The following F13A1 variants were observed in gnomAD, a reference collection of about 807,000 sequenced individuals.
F13A1 encodes the protein coagulation factor XIII A chain.
Under a neutral mutation model 80.1 loss-of-function variants are expected in F13A1, and 47 were observed. The observed-to-expected ratio is 0.59, with a 90% CI of 0.46 to 0.75. The LOEUF is 0.75. Ranked by LOEUF, F13A1 falls within the 30% of genes least tolerant of loss-of-function variation. F13A1 has a pLI of 0.00. For missense variants in F13A1, 817 were observed against 930.4 expected (o/e 0.88, Z 1.59); for synonymous variants, 349 against 344.9 (o/e 1.01, Z -0.13).
At chr6:6,276,757 A>C (rs1757993736) in intron 3 of F13A1, among the ~76,000 whole-genome samples, 1 of 152,220 alleles carries the variant, frequency 6.6e-6, no homozygotes, top group South Asian at 2.1e-4. Context: ...GGATTAAACA[A>C]TAGTGTGTGT....
intron 4 of F13A1, among the ~76,000 whole-genome samples, chr6:6,262,614 C>T (rs1188924581): frequency 6.6e-6 from 1 of 152,084 alleles, no homozygotes; most frequent in African/African-American, 2.4e-5. Context: ...ACCTTCTACC[C>T]TCCAGATGAC....
chr6:6,260,553 G>A (rs1757764695), intron 4 of F13A1, among the ~76,000 whole-genome samples: 1 of 152,182 alleles, frequency 6.6e-6, no homozygotes, highest in Admixed American at 6.5e-5. Context: ...GCATAAAACT[G>A]CAGGGGACTG....
rs573061963 is a variant in F13A1, at chr6:6,265,036, G to T, written c.571+1522C>A. Among the ~76,000 whole-genome samples the T allele has an allele frequency of 1.2e-4, 19 of 152,326 alleles. No individual in the cohort carries two copies. The East Asian group carries it at 3.5e-3, about 28-fold the overall frequency. On this transcript the variant is annotated intron_variant, in intron 4 of 14. Coordinates refer to ENST00000264870, the MANE Select transcript of F13A1 (RefSeq NM_000129.4). The stretch of plus-strand genomic sequence containing the variant: ...AACACTTTGGGAGGCTCAGGCAGGA[G>T]CACTGCTTGAGCCCAAGAGTTCGAG...
At chr6:6,165,204 G>T (rs1261696493) in intron 13 of F13A1, among the ~76,000 whole-genome samples, 1 of 152,102 alleles carries the variant, frequency 6.6e-6, no homozygotes, top group Non-Finnish European at 1.5e-5. Flanking sequence ...AGCATCTCTG[G>T]TTGCTTTGTG....
chr6:6,151,949 C>T lies in F13A1; in HGVS notation c.1909G>A (p.Val637Ile), dbSNP rs1483793682. Residue 637 changes from valine to isoleucine, a missense_variant and splice_region_variant, in exon 14 of 15, where the codon GTC becomes ATC. By Grantham distance (29) the Val-to-Ile change is conservative. Coordinates refer to ENST00000264870, the MANE Select transcript of F13A1 (RefSeq NM_000129.4). ...VLTIPEIIIK[V>I]RGTQVVGSDM... is the part of the protein sequence containing the mutation. ...GAACCAACTACCTGAGTGCCACGGACCTAAGAGAGAGAATGCAGGTCATTA... is the reference window on the plus strand; with the variant it reads ...GAACCAACTACCTGAGTGCCACGGATCTAAGAGAGAGAATGCAGGTCATTA... 6.2e-7 allele frequency: 1 copy of T among 1,613,954 alleles called. No homozygotes were observed. Among genetic ancestry groups the T allele is most frequent in the Non-Finnish European group, 8.5e-7 (1 of 1,179,910 alleles).
chr6:6,287,335 G>A (rs916690979), intron 3 of F13A1, among the ~76,000 whole-genome samples: 12 of 152,206 alleles, frequency 7.9e-5, no homozygotes, highest in African/African-American at 2.4e-4. Flanking sequence ...TCAGACCAGC[G>A]CTTTCTGGTG....
intron 4 of F13A1, among the ~76,000 whole-genome samples, chr6:6,258,722 G>C (rs1757736928): frequency 6.6e-6 from 1 of 152,124 alleles, no homozygotes; most frequent in Admixed American, 6.6e-5. Flanking sequence ...GAAGAATGAT[G>C]CATACTATTT....
intron 3 of F13A1, among the ~76,000 whole-genome samples, chr6:6,304,044 T>A (rs1758474207): frequency 6.6e-6 from 1 of 152,224 alleles, no homozygotes; most frequent in Non-Finnish European, 1.5e-5. Flanking sequence ...TTATAGCAGA[T>A]GTATCTCTTA....
intron 10 of F13A1, 45 bp downstream of exon 10, chr6:6,195,752 G>C (rs756017371): frequency 1.3e-6 from 2 of 1,547,114 alleles, no homozygotes; most frequent in South Asian, 2.3e-5. Context: ...CATGTGTTAA[G>C]AGGTTGGGGA....
At chr6:6,282,929 C>T (rs1473996408) in intron 3 of F13A1, among the ~76,000 whole-genome samples, 4 of 152,218 alleles carry the variant, frequency 2.6e-5, no homozygotes, top group Non-Finnish European at 5.9e-5. Flanking sequence ...CTTCCTTCCA[C>T]AGGAGTTGAT....
intron 2 of F13A1, among the ~76,000 whole-genome samples, chr6:6,317,947 G>A (rs1002118615): frequency 1.1e-4 from 16 of 152,168 alleles, no homozygotes; most frequent in Non-Finnish European, 2.1e-4. Flanking sequence ...TGCTGTACCC[G>A]GAACAGGTTT....
chr6:6,314,292 T>C (rs1317798905), intron 2 of F13A1, among the ~76,000 whole-genome samples: 1 of 152,126 alleles, frequency 6.6e-6, no homozygotes. Context: ...CCCTACCACT[T>C]TGTAAAGCAT....
chr6:6,176,733 G>A (rs1403679356), intron 11 of F13A1, among the ~76,000 whole-genome samples: 3 of 152,290 alleles, frequency 2.0e-5, no homozygotes, highest in South Asian at 2.1e-4. Context: ...CATGAGAAGA[G>A]AACATTAATG....
rs1760697601 is a variant in F13A1 at position 6,167,478 on chromosome 6, T to C, written c.1888A>G (p.Ile630Val). ...LAKQKSTVLT[I>V]PEIIIKVRGT... Reference sequence around the variant, plus strand: ...CTGACCTTGATGATGATCTCAGGGATGGTTAGCACGGTGGACTTTTGCTTG... The same window carrying C: ...CTGACCTTGATGATGATCTCAGGGACGGTTAGCACGGTGGACTTTTGCTTG... The change falls in exon 13 of 15, where the codon ATC becomes GTC. Residue 630 changes from isoleucine (I) to valine (V), a missense_variant. Transcript: ENST00000264870. The C allele has an allele frequency of 6.2e-7, 1 of 1,613,996 alleles. No homozygotes were observed. Among genetic ancestry groups the C allele is most frequent in the African/African-American group, 1.3e-5 (1 of 74,908 alleles).
intron 6 of F13A1, among the ~76,000 whole-genome samples, chr6:6,236,909 A>C (rs1757421017): frequency 6.6e-6 from 1 of 152,124 alleles, no homozygotes; most frequent in Non-Finnish European, 1.5e-5. Context: ...TGAACCACAA[A>C]TCCCCAGCTA....
intron 3 of F13A1, among the ~76,000 whole-genome samples, chr6:6,300,153 G>T (rs1272423214): frequency 2.9e-5 from 4 of 136,494 alleles, no homozygotes; most frequent in African/African-American, 1.4e-4. Context: ...TCTCTTCAAA[G>T]CTGTCAGACA....
chr6:6,245,901 G>A (rs1757549035), intron 6 of F13A1, among the ~76,000 whole-genome samples: 1 of 152,224 alleles, frequency 6.6e-6, no homozygotes, highest in African/African-American at 2.4e-5. Context: ...ACCTGCGAAT[G>A]GGATTTCTAG....
intron 10 of F13A1, among the ~76,000 whole-genome samples, chr6:6,188,771 G>T (rs1334111638): frequency 1.8e-5 from 1 of 56,816 alleles, no homozygotes; most frequent in Non-Finnish European, 2.9e-5. Flanking sequence ...CAATTCCTGG[G>T]TATCCTTGTT....
intron 8 of F13A1, among the ~76,000 whole-genome samples, chr6:6,204,458 A>T (rs1761452304): frequency 6.6e-6 from 1 of 152,240 alleles, no homozygotes; most frequent in Admixed American, 6.5e-5. Context: ...CTTGCAAATC[A>T]TTTGTGTATT....
Sources: gnomAD v4.1 joint callset for allele counts (sites outside exome capture counted in the v4.1 genomes callset) on GRCh38, gnomAD v4.1.1 for gene constraint, MANE v1.5 for transcripts, NCBI Gene and HGNC (gene_info 2026-07-23, HGNC 2026-07-21) for gene names.